The following ADAMTSL1 variants were observed in gnomAD, a reference collection of about 807,000 sequenced individuals.
The protein encoded by ADAMTSL1 is ADAMTS like 1.
ADAMTSL1 carries 126 observed loss-of-function variants against 201.8 expected under a neutral mutation model. The observed-to-expected ratio is 0.62, with a 90% CI of 0.54 to 0.72. ADAMTSL1 has a LOEUF of 0.72. ADAMTSL1 is among the 30% of genes least tolerant of loss of function. The pLI is 0.00. For synonymous variants in ADAMTSL1, 1,121 were observed against 903.4 expected, an observed-to-expected ratio of 1.24 and a Z score of -4.32; for missense variants, 2,679 against 2,277.8, an observed-to-expected ratio of 1.18 and a Z score of -3.59.
rs1375959010 is a variant in ADAMTSL1 at position 18,156,372 on chromosome 9, A to G, written c.88-7490A>G. On this transcript the variant is annotated intron_variant, in intron 1 of 29. Transcript: ENST00000680146. ...ATTTATCTTCAACTTGATTTAAAGT[A>G]TGGGTGGTATCCTGACTTCCAACTC... Among the ~76,000 whole-genome samples, 6 of 152,132 alleles carry G rather than the reference A, an allele frequency of 3.9e-5. No individual in the cohort carries two copies. The East Asian group carries it at 1.2e-3, about 30-fold the overall frequency.
intron 23 of ADAMTSL1, among the ~76,000 whole-genome samples, chr9:18,872,030 A>C (rs1194756738): frequency 6.6e-6 from 1 of 152,176 alleles, no homozygotes; most frequent in South Asian, 2.1e-4. Context: ...CCAAGTCAGT[A>C]GTTTTTACTC....
At chr9:18,318,013 A>G (rs909727168) in intron 2 of ADAMTSL1, among the ~76,000 whole-genome samples, 1 of 152,152 alleles carries the variant, frequency 6.6e-6, no homozygotes, top group Non-Finnish European at 1.5e-5. Flanking sequence ...GACATGTTGG[A>G]TATAATTTTA....
At chr9:18,339,402 A>G (rs1835376827) in intron 2 of ADAMTSL1, among the ~76,000 whole-genome samples, 1 of 152,180 alleles carries the variant, frequency 6.6e-6, no homozygotes, top group Non-Finnish European at 1.5e-5. Context: ...AACCACAGTG[A>G]GATACCATCT....
At chr9:18,005,852 A>G (rs1819795231) in intron 1 of ADAMTSL1, among the ~76,000 whole-genome samples, 1 of 152,044 alleles carries the variant, frequency 6.6e-6, no homozygotes, top group South Asian at 2.1e-4. Context: ...ACTGCCCTGC[A>G]GAATGCATTG....
intron 23 of ADAMTSL1, among the ~76,000 whole-genome samples, chr9:18,870,795 C>T (rs954333965): frequency 6.6e-6 from 1 of 151,844 alleles, no homozygotes; most frequent in Non-Finnish European, 1.5e-5. Context: ...TTGTTTTTCT[C>T]GGGGTTTGTT....
intron 1 of ADAMTSL1, among the ~76,000 whole-genome samples, chr9:17,979,978 C>G (rs1474346309): frequency 6.6e-6 from 1 of 152,082 alleles, no homozygotes; most frequent in Non-Finnish European, 1.5e-5. Flanking sequence ...CCGTGGAAAC[C>G]AGCTTGGCAT....
At chr9:18,054,316 T>G (rs895392582) in intron 1 of ADAMTSL1, among the ~76,000 whole-genome samples, 4 of 152,228 alleles carry the variant, frequency 2.6e-5, no homozygotes, top group African/African-American at 9.6e-5. Context: ...CTTTTCAATT[T>G]TTTCCATTTC....
At chr9:18,699,798 T>C (rs1162921881) in intron 13 of ADAMTSL1, among the ~76,000 whole-genome samples, 4 of 152,214 alleles carry the variant, frequency 2.6e-5, no homozygotes, top group African/African-American at 4.8e-5. Flanking sequence ...TTGATTATTC[T>C]CCTGGGGCAC....
At chr9:18,805,580 C>T (rs756589805) in intron 20 of ADAMTSL1, among the ~76,000 whole-genome samples, 8 of 152,176 alleles carry the variant, frequency 5.3e-5, no homozygotes, top group Non-Finnish European at 1.2e-4. Context: ...AAGTAGAAAA[C>T]TGAGGCACAG....
At chr9:18,345,349 G>T (rs150257701) in intron 2 of ADAMTSL1, among the ~76,000 whole-genome samples, 58 of 152,184 alleles carry the variant, frequency 3.8e-4, no homozygotes, top group Non-Finnish European at 7.1e-4. Context: ...ACTGTTCTTA[G>T]AGTTGTTTCT....
At chr9:18,553,140 C>A (rs1820888076) in intron 3 of ADAMTSL1, among the ~76,000 whole-genome samples, 1 of 150,142 alleles carries the variant, frequency 6.7e-6, no homozygotes, top group African/African-American at 2.4e-5. Context: ...ATCTTACTTT[C>A]TGATCTCTAG....
intron 2 of ADAMTSL1, among the ~76,000 whole-genome samples, chr9:18,258,043 T>C (rs944452111): frequency 6.6e-6 from 1 of 152,200 alleles, no homozygotes; most frequent in African/African-American, 2.4e-5. Context: ...TAGATCTTGG[T>C]GATAGCTGCA....
At chr9:18,753,564 A>G (rs1819584819) in intron 16 of ADAMTSL1, 56 bp downstream of exon 16, 1 of 1,544,918 alleles carries the variant, frequency 6.5e-7, no homozygotes, top group Non-Finnish European at 8.7e-7. Flanking sequence ...TGACTCAAAA[A>G]AGGGATGCTC....
Position 18,075,437 on chromosome 9 carries a change from C to A in ADAMTSL1, c.88-88425C>A, listed in dbSNP as rs78074424. Among the ~76,000 whole-genome samples, 719 of 152,216 alleles carry A rather than the reference C, an allele frequency of 4.7e-3. 5 individuals carry two copies. Among genetic ancestry groups the A allele is most frequent in the African/African-American group, 0.017 (688 of 41,528 alleles). ...CAAGTACGTTGGGACTCACCCCACC[C>A]TATCCCACCCTTCTGAAGCTGTGTA... is the stretch of plus-strand genomic sequence containing the variant. On this transcript the variant is annotated intron_variant, in intron 1 of 29. Coordinates refer to the ADAMTSL1 transcript ENST00000680146.
chr9:18,542,475 A>G (rs758632892), intron 3 of ADAMTSL1, among the ~76,000 whole-genome samples: 4 of 152,168 alleles, frequency 2.6e-5, no homozygotes, highest in Non-Finnish European at 5.9e-5. Context: ...GTCTTTAAAG[A>G]TGTAATTAAG....
intron 2 of ADAMTSL1, among the ~76,000 whole-genome samples, chr9:18,178,775 C>G (rs560045097): frequency 2.0e-5 from 3 of 152,214 alleles, no homozygotes; most frequent in Admixed American, 6.5e-5. Flanking sequence ...AGACTGACAC[C>G]TCACATGGCC....
intron 20 of ADAMTSL1, among the ~76,000 whole-genome samples, chr9:18,800,335 C>CCA (rs1477263167): frequency 7.3e-6 from 1 of 136,578 alleles, no homozygotes; most frequent in Non-Finnish European, 1.5e-5. Flanking sequence ...CAAGACCATG[C>CCA]CACTGTACTC....
intron 15 of ADAMTSL1, among the ~76,000 whole-genome samples, chr9:18,750,122 G>C (rs1403931269): frequency 6.6e-6 from 1 of 152,204 alleles, no homozygotes; most frequent in Non-Finnish European, 1.5e-5. Flanking sequence ...CAACATTTTA[G>C]TATTTCCCTT....
In ADAMTSL1 at chr9:18,829,917, G is replaced by C; in HGVS notation, c.4189G>C (p.Val1397Leu). The C allele has an allele frequency of 6.2e-7, 1 of 1,613,912 alleles. No homozygotes were observed. Among genetic ancestry groups the C allele is most frequent in the Non-Finnish European group, 8.5e-7 (1 of 1,179,872 alleles). The change falls in exon 23 of 29, where the codon GTG becomes CTG. Residue 1397 changes from valine to leucine, a missense_variant. Coordinates refer to ENST00000380548, the MANE Select transcript of ADAMTSL1 (RefSeq NM_001040272.6). ...TGCCACTGGACCGAACCTTCCTTCA[G>C]TGCTGACGTCTCCTCTGGGAACACA... ...LAATGPNLPSVLTSPLGTQLV... is the reference protein window; with the variant it reads ...LAATGPNLPSLLTSPLGTQLV...
Sources: gnomAD v4.1 joint callset for allele counts (sites outside exome capture counted in the v4.1 genomes callset) on GRCh38, gnomAD v4.1.1 for gene constraint, MANE v1.5 for transcripts, NCBI Gene and HGNC (gene_info 2026-07-23, HGNC 2026-07-21) for gene names.